The following SPRY3 variants were observed in gnomAD, a reference collection of about 807,000 sequenced individuals.
SPRY3 encodes sprouty RTK signaling antagonist 3.
SPRY3 carries 15 observed loss-of-function variants against 20.2 expected under a neutral mutation model. The ratio of observed to expected loss-of-function variants is 0.74; its 90% CI spans 0.50 to 1.14. The LOEUF (loss-of-function observed/expected upper bound fraction) is 1.14. Ranked by LOEUF, SPRY3 falls within the 50% of genes most tolerant of loss-of-function variation. The pLI is 0.00. For missense variants in SPRY3, 364 were observed against 363.9 expected, an observed-to-expected ratio of 1.00 and a Z score of 0.00; for synonymous variants, 143 against 136.5, an observed-to-expected ratio of 1.05 and a Z score of -0.33.
intron 2 of SPRY3, among the ~76,000 whole-genome samples, chrX:155,755,952 T>C (rs2091282043): frequency 6.6e-6 from 1 of 151,996 alleles, no homozygotes; most frequent in Non-Finnish European, 1.5e-5. Flanking sequence ...GGAGAGAAAG[T>C]ATAACAAGAA....
intron 2 of SPRY3, among the ~76,000 whole-genome samples, chrX:155,707,389 G>A (rs1368697355): frequency 1.3e-5 from 2 of 151,138 alleles, no homozygotes; most frequent in Admixed American, 6.6e-5. Context: ...CTTGGTTTGT[G>A]GCCTATTATA....
intron 2 of SPRY3, among the ~76,000 whole-genome samples, chrX:155,711,306 C>CT (rs1283888839): frequency 6.6e-6 from 1 of 151,542 alleles, no homozygotes; most frequent in Non-Finnish European, 1.5e-5. Context: ...TACTGGGAGA[C>CT]TTTTTATTAC....
intron 2 of SPRY3, among the ~76,000 whole-genome samples, chrX:155,693,037 A>T (rs1411795891): frequency 9.2e-6 from 1 of 108,917 alleles, no homozygotes; most frequent in African/African-American, 3.3e-5. Flanking sequence ...TCTTCTACTC[A>T]CTTACCTCAG....
At chrX:155,700,499 T>C (rs923956030) in intron 2 of SPRY3, among the ~76,000 whole-genome samples, 5 of 106,299 alleles carry the variant, frequency 4.7e-5, no homozygotes, top group African/African-American at 1.8e-4. Context: ...AGCAGCATTA[T>C]TCACAATAGC....
chrX:155,692,790 C>T (rs960418714), intron 2 of SPRY3, among the ~76,000 whole-genome samples: 1 of 111,274 alleles, frequency 9.0e-6, no homozygotes, highest in African/African-American at 3.3e-5. Context: ...GGAATTTGTT[C>T]ATCTAAATTG....
chrX:155,691,666 A>G lies in SPRY3; in HGVS notation c.-282+34641A>G, dbSNP rs1318329445. Among the ~76,000 whole-genome samples, 10 of 87,572 alleles carry G rather than the reference A, an allele frequency of 1.1e-4. 1 individual carries two copies. Among genetic ancestry groups the G allele is most frequent in the Non-Finnish European group, 2.1e-4 (10 of 46,758 alleles). 76.0% of individuals were successfully genotyped at this position (87,572 alleles called of 115,157 possible). ...GGAAAAAGGATTAACTATTATGGAT[A>G]TTAGTTGTACACATTTATAGGGTAC... is the stretch of plus-strand genomic sequence containing the variant. On this transcript the variant is annotated intron_variant, in intron 2 of 3. Transcript: ENST00000675360.
At chrX:155,709,772 T>C (rs1569382051) in intron 2 of SPRY3, among the ~76,000 whole-genome samples, 1 of 151,902 alleles carries the variant, frequency 6.6e-6, no homozygotes, top group Non-Finnish European at 1.5e-5. Flanking sequence ...CCCAATGTTT[T>C]CTTGTAGTAG....
At chrX:155,712,997 TTTTAATTTTTTGTTG>T (rs1306751593) in intron 2 of SPRY3, among the ~76,000 whole-genome samples, 1 of 152,078 alleles carries the variant, frequency 6.6e-6, no homozygotes, top group Non-Finnish European at 1.5e-5. Context: ...TCCCCTTGCT[TTTTAATTTTTTGTTG>T]TTTCCCTTTA....
At chrX:155,648,564 C>T (rs1308828972) in intron 1 of SPRY3, among the ~76,000 whole-genome samples, 19 of 105,625 alleles carry the variant, frequency 1.8e-4, no homozygotes, top group Admixed American at 3.0e-4. Context: ...GAATCCTTTC[C>T]CCATTGCTTG....
intron 3 of SPRY3, 51 bp downstream of exon 2, chrX:155,768,187 T>C (rs1409671886): frequency 2.0e-5 from 3 of 152,064 alleles, no homozygotes; most frequent in African/African-American, 7.2e-5. Flanking sequence ...TTCTATGCAA[T>C]GCACAGATTG....
At chrX:155,612,693 C>T (rs782558286) in intron 1 of SPRY3, 46 bp downstream of exon 1, 3 of 112,768 alleles carry the variant, frequency 2.7e-5, no homozygotes, top group South Asian at 3.7e-4. Flanking sequence ...TGAGAGCCTC[C>T]GCCGCCCACT....
intron 1 of SPRY3, among the ~76,000 whole-genome samples, chrX:155,627,238 A>G (rs2124525124): frequency 9.0e-6 from 1 of 111,395 alleles, no homozygotes; most frequent in South Asian, 3.8e-4. Flanking sequence ...GCCCCCTGTA[A>G]CCAACCACCC....
intron 2 of SPRY3, among the ~76,000 whole-genome samples, chrX:155,753,437 T>C (rs1734238099): frequency 6.6e-6 from 1 of 151,994 alleles, no homozygotes; most frequent in Admixed American, 6.6e-5. Flanking sequence ...CGTCCTTTTG[T>C]GTCTAGAAAA....
intron 2 of SPRY3, among the ~76,000 whole-genome samples, chrX:155,683,318 T>C (rs1446509354): frequency 9.0e-6 from 1 of 111,501 alleles, no homozygotes; most frequent in Non-Finnish European, 1.9e-5. Context: ...AATGTCATTG[T>C]TGTCTTATTT....
intron 2 of SPRY3, among the ~76,000 whole-genome samples, chrX:155,682,890 T>C (rs1477941380): frequency 9.8e-5 from 11 of 111,795 alleles, no homozygotes; most frequent in Admixed American, 9.5e-4. Context: ...ATATTAACAT[T>C]AGCAGGAGTT....
chrX:155,614,564 T>G (rs1004661209), intron 1 of SPRY3, among the ~76,000 whole-genome samples: 1 of 111,646 alleles, frequency 9.0e-6, no homozygotes, highest in Non-Finnish European at 1.9e-5. Context: ...TATTTCTACT[T>G]TAAGGATAAG....
chrX:155,631,182 T>C (rs1196847873), intron 1 of SPRY3, among the ~76,000 whole-genome samples: 1 of 112,058 alleles, frequency 8.9e-6, no homozygotes, highest in Non-Finnish European at 1.9e-5. Context: ...CACTTTTAAG[T>C]GAGAATATGC....
chrX:155,630,414 T>C (rs1373710466), intron 1 of SPRY3, among the ~76,000 whole-genome samples: 1 of 111,956 alleles, frequency 8.9e-6, no homozygotes, highest in Non-Finnish European at 1.9e-5. Context: ...ACAGGTCTGA[T>C]GGTGTTAAAC....
intron 1 of SPRY3, among the ~76,000 whole-genome samples, chrX:155,641,186 G>A (rs1557351360): frequency 1.8e-5 from 2 of 111,755 alleles, no homozygotes; most frequent in African/African-American, 6.5e-5. Context: ...ATGACCATAT[G>A]GTTTGGTCTT....
Sources: gnomAD v4.1 joint callset for allele counts (sites outside exome capture counted in the v4.1 genomes callset) on GRCh38, gnomAD v4.1.1 for gene constraint, MANE v1.5 for transcripts, NCBI Gene and HGNC (gene_info 2026-07-23, HGNC 2026-07-21) for gene names.